Variants in USP32 observed in about 807,000 individuals in gnomAD.
USP32 encodes ubiquitin carboxyl-terminal hydrolase 32.
USP32 carries 59 observed loss-of-function variants against 204.8 expected under a neutral mutation model. The observed-to-expected ratio is 0.29, with a 90% CI of 0.23 to 0.36. USP32 has a LOEUF of 0.36. Among genes scored for constraint, USP32 ranks in the 10% least tolerant of loss-of-function variants. The pLI is 1.00. For missense variants in USP32, 1,160 were observed against 1,946.4 expected, an observed-to-expected ratio of 0.60 and a Z score of 7.60; for synonymous variants, 517 against 678.4, an observed-to-expected ratio of 0.76 and a Z score of 3.70.
At chr17:60,409,001 G>A (rs1238937546) in intron 1 of USP32, among the ~76,000 whole-genome samples, 1 of 152,134 alleles carries the variant, frequency 6.6e-6, no homozygotes, top group Non-Finnish European at 1.5e-5. Flanking sequence ...ACCCCAGCTT[G>A]GGGAGACACA....
intron 1 of USP32, among the ~76,000 whole-genome samples, chr17:60,406,918 G>A (rs984553212): frequency 1.3e-5 from 2 of 152,066 alleles, no homozygotes; most frequent in African/African-American, 4.8e-5. Context: ...GAGGACTTTT[G>A]TTTCTGATCA....
intron 9 of USP32, chr17:60,256,551 G>T: frequency 3.4e-6 from 1 of 298,244 alleles, no homozygotes; most frequent in Non-Finnish European, 5.0e-6. Flanking sequence ...CACTATCTGT[G>T]TGGAGTTTGC....
chr17:60,399,269 GAC>G (rs1427726567), intron 1 of USP32, among the ~76,000 whole-genome samples: 1 of 152,094 alleles, frequency 6.6e-6, no homozygotes, highest in Non-Finnish European at 1.5e-5. Flanking sequence ...TAGGAAAAGA[GAC>G]AAAATAAGTA....
rs2084110540 is a variant in USP32, at chr17:60,181,473, C to T, written c.4399G>A (p.Ala1467Thr). Residue 1467 changes from alanine (A) to threonine (T), a missense_variant, in exon 32 of 34, where the codon GCT becomes ACT. Ala to Thr is a moderately conservative substitution (Grantham distance 58). Around this residue, in one of 8 missense-constraint regions of USP32, gnomAD observed 244 missense variants for 342.3 expected, o/e 0.71. Transcript: ENST00000300896. ...TCATAAAGGAATCCATTGGCCAAAG[C>T]TACCTCATGGTCCTGAGGAGTGACC... The part of the protein sequence containing the change: ...ELVTPQDHEV[A>T]LANGFLYEHE... 3 of 1,614,034 alleles carry T rather than the reference C, an allele frequency of 1.9e-6. No individual in the cohort carries two copies. Among genetic ancestry groups the T allele is most frequent in the East Asian group, 2.2e-5 (1 of 44,888 alleles).
chr17:60,286,746 A>T (rs536088947), intron 5 of USP32, among the ~76,000 whole-genome samples: 3 of 152,214 alleles, frequency 2.0e-5, no homozygotes, highest in Non-Finnish European at 2.9e-5. Flanking sequence ...CTGAGTTGTC[A>T]TTCAGAAGCA....
intron 12 of USP32, among the ~76,000 whole-genome samples, chr17:60,229,949 G>T (rs998520873): frequency 6.6e-6 from 1 of 152,062 alleles, no homozygotes; most frequent in Non-Finnish European, 1.5e-5. Context: ...GAGTAGCTGG[G>T]ATTACAGGCA....
rs146844693 is a variant in USP32, at chr17:60,410,653, G to C, written c.106+11593C>G. The stretch of plus-strand genomic sequence containing the variant: ...ACTGCACGCCAGCCTGGGCCACAGA[G>C]TGAAACACTGTCTCAAAAAATAAAT... On this transcript the variant is annotated intron_variant, in intron 1 of 3. Transcript: ENST00000588898. Among the ~76,000 whole-genome samples, 534 of 152,142 alleles carry C rather than the reference G, an allele frequency of 3.5e-3. 2 individuals carry two copies. Among genetic ancestry groups the C allele is most frequent in the African/African-American group, 0.012 (489 of 41,486 alleles).
chr17:60,259,751 T>A (rs2086407172), intron 9 of USP32, among the ~76,000 whole-genome samples: 1 of 152,308 alleles, frequency 6.6e-6, no homozygotes, highest in Non-Finnish European at 1.5e-5. Flanking sequence ...ATTTAACCCA[T>A]CACCACTATG....
chr17:60,414,497 C>A (rs945436185), intron 1 of USP32, among the ~76,000 whole-genome samples: 1 of 151,710 alleles, frequency 6.6e-6, no homozygotes, highest in Non-Finnish European at 1.5e-5. Flanking sequence ...GGCATAATCT[C>A]GGCTCACTGC....
rs147456113 is a variant in USP32, at chr17:60,407,088, C to T, written c.106+15158G>A. On this transcript the variant is annotated intron_variant, in intron 1 of 3. Transcript: ENST00000588898. Reference sequence around the variant, plus strand: ...CAAATGAGGTAAATTCTGTGATTTTCCTAGCTTTTTGCCTAGGGGTGCAAT... The same window carrying T: ...CAAATGAGGTAAATTCTGTGATTTTTCTAGCTTTTTGCCTAGGGGTGCAAT... 1.4e-3 allele frequency among the ~76,000 whole-genome samples: 212 copies of T among 152,236 alleles called. 1 individual carries two copies. The highest frequency in any genetic ancestry group is 5.0e-3 in the African/African-American group (207 of 41,548).
intron 27 of USP32, among the ~76,000 whole-genome samples, chr17:60,196,992 C>T (rs1240733692): frequency 6.6e-6 from 1 of 151,574 alleles, no homozygotes; most frequent in African/African-American, 2.4e-5. Context: ...ACCAGCCTGG[C>T]CAACATGGTG....
rs558241008 is a variant in USP32, at chr17:60,214,203, A to G, written c.2022+417T>C. 2.0e-4 allele frequency among the ~76,000 whole-genome samples: 30 copies of G among 152,264 alleles called. 1 individual carries two copies. In the South Asian group the frequency reaches 6.2e-3, roughly 32 times the overall value. On this transcript the variant is annotated intron_variant, in intron 17 of 33. Transcript: ENST00000300896. ...GTGCTCCAGCCACCTCGGCCTCCCAAAGTGATGGGATTACAGGCGTGAGCC... is the reference window on the plus strand; with the variant it reads ...GTGCTCCAGCCACCTCGGCCTCCCAGAGTGATGGGATTACAGGCGTGAGCC...
At position 60,255,157 on chromosome 17, in the gene USP32, C is replaced by T. The variant is rs1276551524; in HGVS notation, c.1074+18G>A. On this transcript the variant is annotated intron_variant, in intron 10 of 33. Transcript: ENST00000300896. ...TGGTACTACTACCCTCTGTTGCTGT[C>T]ATTTACCTTAAACATACCTGGAAAA... 3 of 1,594,782 alleles carry T rather than the reference C, an allele frequency of 1.9e-6. No individual in the cohort carries two copies. The highest frequency in any genetic ancestry group is 2.6e-6 in the Non-Finnish European group (3 of 1,165,040).
At chr17:60,326,422 T>C (rs2088241088) in intron 2 of USP32, among the ~76,000 whole-genome samples, 1 of 152,070 alleles carries the variant, frequency 6.6e-6, no homozygotes, top group African/African-American at 2.4e-5. Context: ...GCGATTCTCC[T>C]GCCTCAGCCT....
At chr17:60,245,473 G>T in intron 11 of USP32, 1 of 341,214 alleles carries the variant, frequency 2.9e-6, no homozygotes, top group South Asian at 2.9e-5. Flanking sequence ...GAAGCCACTG[G>T]GCAGCATGTG....
chr17:60,224,708 A>G (rs916317686), intron 13 of USP32, among the ~76,000 whole-genome samples: 6 of 152,338 alleles, frequency 3.9e-5, no homozygotes, highest in East Asian at 1.9e-4. Context: ...ATTTGAGCCC[A>G]GGAACTGGAG....
chr17:60,366,737 A>G (rs1401249383), intron 1 of USP32, among the ~76,000 whole-genome samples: 2 of 152,046 alleles, frequency 1.3e-5, no homozygotes, highest in African/African-American at 4.8e-5. Context: ...ATCGTCTCAA[A>G]AAAAAGTTGG....
intron 5 of USP32, among the ~76,000 whole-genome samples, chr17:60,281,466 G>A (rs537714659): frequency 6.6e-6 from 1 of 152,024 alleles, no homozygotes; most frequent in East Asian, 1.9e-4. Context: ...GGAACTCGGA[G>A]GATGGAGGTT....
At chr17:60,414,649 G>A (rs979118197) in intron 1 of USP32, among the ~76,000 whole-genome samples, 1 of 151,648 alleles carries the variant, frequency 6.6e-6, no homozygotes, top group South Asian at 2.1e-4. Context: ...GGTTGGCCTC[G>A]AACTCCTGAC....
Sources: gnomAD v4.1 joint callset for allele counts (sites outside exome capture counted in the v4.1 genomes callset) on GRCh38, gnomAD v4.1.1 for gene constraint, gnomAD v4.1.1 regional missense constraint, MANE v1.5 for transcripts, NCBI Gene and HGNC (gene_info 2026-07-23, HGNC 2026-07-21) for gene names.